IL1RL1: variants seen among roughly 807,000 people sequenced by gnomAD.
IL1RL1 encodes interleukin 1 receptor like 1, also known as interleukin-1 receptor-like 1.
IL1RL1 carries 32 observed loss-of-function variants against 50.9 expected under a neutral mutation model. That is an observed-to-expected ratio of 0.63 (90% CI 0.47 to 0.84). The LOEUF is 0.84. IL1RL1 is among the 40% of genes least tolerant of loss of function. The pLI is 0.00. For missense variants in IL1RL1, 773 were observed against 662.9 expected, an observed-to-expected ratio of 1.17 and a Z score of -1.82; for synonymous variants, 275 against 236.0, an observed-to-expected ratio of 1.17 and a Z score of -1.51.
At chr2:102,326,990 T>C (rs1677021370) in intron 1 of IL1RL1, among the ~76,000 whole-genome samples, 1 of 152,182 alleles carries the variant, frequency 6.6e-6, no homozygotes, top group Admixed American at 6.5e-5. Context: ...AACTCAGCTC[T>C]GCACCAAGCA....
intron 1 of IL1RL1, among the ~76,000 whole-genome samples, chr2:102,323,247 T>TTATATATATATATATATATATATA (rs371889389): frequency 7.8e-4 from 77 of 98,556 alleles, no homozygotes; most frequent in African/African-American, 2.9e-3. Flanking sequence ...TTGTTAGGTT[T>TTATATATATATATATATATATATA]TATATATATA....
intron 1 of IL1RL1, among the ~76,000 whole-genome samples, chr2:102,326,679 C>CA (rs146644203): frequency 3.3e-5 from 5 of 151,240 alleles, no homozygotes; most frequent in South Asian, 2.1e-4. Context: ...AAATGGAAAA[C>CA]AAAAAAAAGG....
chr2:102,342,272 T>G lies in IL1RL1; in HGVS notation c.660T>G (p.Asn220Lys). The G allele has an allele frequency of 6.2e-7, 1 of 1,611,176 alleles. No individual in the cohort carries two copies. The highest frequency in any genetic ancestry group is 8.5e-7 in the Non-Finnish European group (1 of 1,177,564). The change falls in exon 6 of 11, where the codon AAT becomes AAG. Residue 220 changes from asparagine (N) to lysine (K), a missense_variant. By Grantham distance (94) the Asn-to-Lys change is moderately conservative (BLOSUM62 0). Transcript: ENST00000233954. ...CAGTAATCGGAGCCCCTGCACAAAATGAAATAAAGGAAGTGGAAATTGGTA... is the reference window on the plus strand; with the variant it reads ...CAGTAATCGGAGCCCCTGCACAAAAGGAAATAAAGGAAGTGGAAATTGGTA... ...LFPVIGAPAQ[N>K]EIKEVEIGKN...
intron 1 of IL1RL1, among the ~76,000 whole-genome samples, chr2:102,314,741 T>G (rs1676623951): frequency 6.6e-6 from 1 of 152,136 alleles, no homozygotes; most frequent in African/African-American, 2.4e-5. Context: ...AAAGGCAGAT[T>G]TATTAGAGAA....
downstream of IL1RL1, among the ~76,000 whole-genome samples, chr2:102,352,251 A>G (rs1421975105): frequency 6.7e-6 from 1 of 149,142 alleles, no homozygotes; most frequent in Non-Finnish European, 1.5e-5. Context: ...TCTTGTCAAT[A>G]ATCTGAATAG....
Position 102,338,186 on chromosome 2 carries a change from T to A in IL1RL1, c.-79T>A. 1 of 892,068 alleles carries A rather than the reference T, an allele frequency of 1.1e-6. No homozygotes were observed. Among genetic ancestry groups the A allele is most frequent in the Non-Finnish European group, 1.8e-6 (1 of 547,816 alleles). The allele number at this position is 892,068 out of a possible 1,614,324, so 55.3% of individuals were successfully genotyped here. ...CCAACTGCCTCATGTGTGGTGACCTTCACTGTCGTATGCCAGTGACTCATC... is the reference window on the plus strand; with the variant it reads ...CCAACTGCCTCATGTGTGGTGACCTACACTGTCGTATGCCAGTGACTCATC... On this transcript the variant is annotated 5_prime_UTR_variant, in exon 2 of 11. Transcript: ENST00000233954.
At chr2:102,325,620 T>C (rs1212955463) in intron 1 of IL1RL1, among the ~76,000 whole-genome samples, 1 of 152,024 alleles carries the variant, frequency 6.6e-6, no homozygotes, top group Non-Finnish European at 1.5e-5. Context: ...ATTAGATGAA[T>C]GGCTAACTAG....
intron 1 of IL1RL1, among the ~76,000 whole-genome samples, chr2:102,324,045 T>A (rs1168608974): frequency 1.3e-5 from 2 of 149,276 alleles, no homozygotes; most frequent in Non-Finnish European, 3.0e-5. Flanking sequence ...AGTGTTCCAT[T>A]GTATGAATAT....
At position 102,348,198 on chromosome 2, in the gene IL1RL1, A is replaced by G. The variant is rs1677834809; in HGVS notation, c.1117+107A>G. ...AGCTAGGCTGCTAAGCCCAGATTCC[A>G]TTTTGCTTGCTAATCTGTTATCAGT... On this transcript the variant is annotated intron_variant, in intron 9 of 10. Coordinates refer to ENST00000233954, the MANE Select transcript of IL1RL1 (RefSeq NM_016232.5). The G allele has an allele frequency of 6.9e-6, 6 of 871,610 alleles. No individual in the cohort carries two copies. The Middle Eastern group carries it at 1.5e-3, about 219-fold the overall frequency. The allele number at this position is 871,610 out of a possible 1,614,324, so 54.0% of individuals were successfully genotyped here.
At chr2:102,315,992 T>G (rs754565910) in intron 1 of IL1RL1, among the ~76,000 whole-genome samples, 5 of 152,248 alleles carry the variant, frequency 3.3e-5, no homozygotes, top group Non-Finnish European at 7.3e-5. Flanking sequence ...TCAGGCTGTT[T>G]GCTGCCACTT....
chr2:102,313,447 T>A (rs1480729353), intron 1 of IL1RL1: 1 of 152,168 alleles, frequency 6.6e-6, no homozygotes, highest in Non-Finnish European at 1.5e-5. Flanking sequence ...GTGAGGAGAT[T>A]GATTCCAAGT....
chr2:102,338,458 A>ACAAT, intron 2 of IL1RL1, 133 bp downstream of exon 2: 2 of 545,662 alleles, frequency 3.7e-6, no homozygotes, highest in Non-Finnish European at 6.4e-6. Context: ...TTGCTTTTGT[A>ACAAT]CAATCATTTT....
chr2:102,337,659 A>G (rs1677377349), intron 1 of IL1RL1, among the ~76,000 whole-genome samples: 1 of 151,578 alleles, frequency 6.6e-6, no homozygotes, highest in Non-Finnish European at 1.5e-5. Flanking sequence ...TGATTTTGCT[A>G]CTCCTTAGTT....
At chr2:102,320,522 A>C (rs941419025) in intron 1 of IL1RL1, among the ~76,000 whole-genome samples, 3 of 152,128 alleles carry the variant, frequency 2.0e-5, no homozygotes, top group Admixed American at 1.3e-4. Flanking sequence ...TCAGAAGCAG[A>C]TATTCATCCT....
rs1222186296 is a variant in IL1RL1, at chr2:102,323,267, ATATATAGTGTGTGT to A, written c.-150+11645_-150+11658del. Among the ~76,000 whole-genome samples the A allele has an allele frequency of 1.7e-3, 64 of 38,656 alleles. 1 individual carries two copies. The highest frequency in any genetic ancestry group is 2.6e-3 in the Non-Finnish European group (39 of 14,914). 25.4% of individuals were successfully genotyped at this position (38,656 alleles called of 152,430 possible). A position where few individuals can be genotyped will look rare whatever the true frequency, so the allele number is the denominator to read the frequency against. On this transcript the variant is annotated intron_variant, in intron 1 of 10. Coordinates refer to ENST00000233954, the MANE Select transcript of IL1RL1 (RefSeq NM_016232.5). ...AGGTTTTATATATATATATATATATATATATAGTGTGTGTGTGTGTGTGTGTGTATATATATATG... is the reference window on the plus strand; with the variant it reads ...AGGTTTTATATATATATATATATATAGTGTGTGTGTGTGTATATATATATG...
chr2:102,330,462 C>G (rs1029495771), intron 1 of IL1RL1, among the ~76,000 whole-genome samples: 1 of 152,156 alleles, frequency 6.6e-6, no homozygotes, highest in Non-Finnish European at 1.5e-5. Flanking sequence ...GCACGTTGTG[C>G]ACATGTACCC....
intron 8 of IL1RL1, chr2:102,344,283 C>T (rs1677699478): frequency 5.9e-6 from 2 of 337,770 alleles, no homozygotes; most frequent in Non-Finnish European, 8.4e-6. Flanking sequence ...GGCTCCACCT[C>T]GAATACTGGG....
At chr2:102,345,849 G>A (rs1677765113) in intron 8 of IL1RL1, 1 of 985,276 alleles carries the variant, frequency 1.0e-6, no homozygotes, top group African/African-American at 1.7e-5. Flanking sequence ...GGGTGGTGGT[G>A]GGCCCAGTAG....
chr2:102,322,600 A>G (rs1193861220), intron 1 of IL1RL1, among the ~76,000 whole-genome samples: 2 of 152,300 alleles, frequency 1.3e-5, no homozygotes, highest in East Asian at 3.9e-4. Context: ...TTCTCTTCTT[A>G]TTACATAATG....
Sources: allele counts gnomAD v4.1 joint callset (sites outside exome capture counted in the v4.1 genomes callset), GRCh38; gene constraint gnomAD v4.1.1; transcripts MANE v1.5; gene names NCBI Gene and HGNC (gene_info 2026-07-23, HGNC 2026-07-21).